Variants in PRICKLE1 observed in about 807,000 individuals in gnomAD.
PRICKLE1 encodes the protein prickle-like protein 1.
A neutral mutation model predicts 70.2 loss-of-function variants in PRICKLE1; 14 were observed. That is an observed-to-expected ratio of 0.20 (90% confidence interval 0.13 to 0.31). The LOEUF (loss-of-function observed/expected upper bound fraction) is 0.31. Among genes scored for constraint, PRICKLE1 ranks in the 10% least tolerant of loss-of-function variants. The pLI, the probability that PRICKLE1 is intolerant of heterozygous loss-of-function variation, is 1.00. For missense variants in PRICKLE1, 821 were observed against 1,026.2 expected, an observed-to-expected ratio of 0.80 and a Z score of 2.73; for synonymous variants, 357 against 379.9, an observed-to-expected ratio of 0.94 and a Z score of 0.70.
intron 1 of PRICKLE1, among the ~76,000 whole-genome samples, chr12:42,476,282 A>G (rs1397531918): frequency 6.6e-6 from 1 of 151,516 alleles, no homozygotes. Context: ...TCCCAGGTTC[A>G]AGAGATTCTC....
intron 1 of PRICKLE1, among the ~76,000 whole-genome samples, chr12:42,561,534 T>C (rs1426150435): frequency 6.6e-6 from 1 of 152,246 alleles, no homozygotes; most frequent in African/African-American, 2.4e-5. Flanking sequence ...GTTTATTCTG[T>C]CCAAGAATGT....
Position 42,466,386 on chromosome 12 carries a change from AAAAG to A in PRICKLE1, c.589-10_589-7del. 6.2e-7 allele frequency: 1 copy of A among 1,613,796 alleles called. No homozygotes were observed. The highest frequency in any genetic ancestry group is 8.5e-7 in the Non-Finnish European group (1 of 1,179,666). ...CACTCATCAGCAAAAATTATCTTCA[AAAAG>A]AAATGTGAAACCAGAGAATGAAAGA... On this transcript the variant is annotated splice_region_variant and splice_polypyrimidine_tract_variant and intron_variant, in intron 5 of 7. Coordinates refer to ENST00000345127, the MANE Select transcript of PRICKLE1 (RefSeq NM_153026.3).
chr12:42,493,215 A>T (rs1052437750), intron 1 of PRICKLE1, among the ~76,000 whole-genome samples: 9 of 152,166 alleles, frequency 5.9e-5, no homozygotes, highest in African/African-American at 1.7e-4. Flanking sequence ...AAAATAACTA[A>T]AAGAGTATAA....
In PRICKLE1 at chr12:42,458,639, G is replaced by A. The variant is rs192161217; in HGVS notation, c.*1170C>T. ...GGCCAACAAATTAGTGGGAGGGAAG[G>A]AATAAAAAGGAATAACCTCTCTTAA... On this transcript the variant is annotated 3_prime_UTR_variant, in exon 8 of 8. Transcript: ENST00000345127. 6.6e-6 allele frequency: 1 copy of A among 152,274 alleles called. No homozygotes were observed. Among genetic ancestry groups the A allele is most frequent in the Admixed American group, 6.5e-5 (1 of 15,294 alleles). 9.4% of individuals were successfully genotyped at this position (152,274 alleles called of 1,614,324 possible).
chr12:42,479,798 A>C (rs1938724356), intron 1 of PRICKLE1, among the ~76,000 whole-genome samples: 1 of 152,088 alleles, frequency 6.6e-6, no homozygotes, highest in South Asian at 2.1e-4. Flanking sequence ...TCTACTAAAA[A>C]TACAAAATTA....
intron 1 of PRICKLE1, among the ~76,000 whole-genome samples, chr12:42,586,848 G>C (rs1218879683): frequency 6.6e-6 from 1 of 152,124 alleles, no homozygotes; most frequent in Non-Finnish European, 1.5e-5. Flanking sequence ...CTTTTTAAAA[G>C]CCTTAATCAA....
chr12:42,520,620 C>A (rs1939693304), intron 1 of PRICKLE1, among the ~76,000 whole-genome samples: 1 of 152,210 alleles, frequency 6.6e-6, no homozygotes. Flanking sequence ...TGAGGCTTCA[C>A]TTTATGTGTT....
intron 1 of PRICKLE1, among the ~76,000 whole-genome samples, chr12:42,515,565 C>T (rs1939597476): frequency 6.6e-6 from 1 of 152,192 alleles, no homozygotes; most frequent in Non-Finnish European, 1.5e-5. Context: ...TCTACCCACA[C>T]TCTATCCCAT....
At chr12:42,481,029 G>A (rs1175732927) in intron 1 of PRICKLE1, among the ~76,000 whole-genome samples, 1 of 152,218 alleles carries the variant, frequency 6.6e-6, no homozygotes, top group African/African-American at 2.4e-5. Context: ...CTTGGGGAGG[G>A]AAAGTAAAAG....
chr12:42,494,652 C>T (rs371493680), intron 1 of PRICKLE1, among the ~76,000 whole-genome samples: 9 of 151,776 alleles, frequency 5.9e-5, no homozygotes, highest in African/African-American at 1.9e-4. Context: ...ACTAAAAATA[C>T]AAAAATTAGC....
chr12:42,533,216 T>TC (rs1566116618), intron 1 of PRICKLE1, among the ~76,000 whole-genome samples: 3 of 151,420 alleles, frequency 2.0e-5, no homozygotes, highest in Non-Finnish European at 4.4e-5. Context: ...TTTTCTTCTT[T>TC]TTTTTTTTTC....
chr12:42,499,661 T>C (rs1403957942), intron 1 of PRICKLE1, among the ~76,000 whole-genome samples: 1 of 151,954 alleles, frequency 6.6e-6, no homozygotes, highest in Non-Finnish European at 1.5e-5. Flanking sequence ...CCTCAGGTGA[T>C]CCATCCACCA....
intron 1 of PRICKLE1, among the ~76,000 whole-genome samples, chr12:42,536,683 C>T (rs117997033): frequency 3.3e-3 from 497 of 152,276 alleles, no homozygotes; most frequent in Non-Finnish European, 4.8e-3. Flanking sequence ...TTTCTGAGTT[C>T]CTGAACTCTG....
chr12:42,493,262 C>T (rs757464308), intron 1 of PRICKLE1, among the ~76,000 whole-genome samples: 11 of 152,166 alleles, frequency 7.2e-5, no homozygotes, highest in Non-Finnish European at 1.0e-4. Context: ...CTTGAGGTGA[C>T]GGACACTCCA....
intron 1 of PRICKLE1, among the ~76,000 whole-genome samples, chr12:42,550,755 T>C (rs1318548501): frequency 6.6e-6 from 1 of 152,242 alleles, no homozygotes; most frequent in Non-Finnish European, 1.5e-5. Context: ...GATTTAGCAG[T>C]AACTTAGCTT....
chr12:42,587,268 T>A (rs1339444260), intron 1 of PRICKLE1, among the ~76,000 whole-genome samples: 1 of 152,222 alleles, frequency 6.6e-6, no homozygotes, highest in African/African-American at 2.4e-5. Context: ...ACTAAGCCCA[T>A]TCAGTTGCAT....
At chr12:42,563,841 C>T (rs1940572050) in intron 1 of PRICKLE1, among the ~76,000 whole-genome samples, 1 of 151,122 alleles carries the variant, frequency 6.6e-6, no homozygotes, top group African/African-American at 2.4e-5. Flanking sequence ...CAAAACAGGA[C>T]ATTTTTCGAG....
rs573152305 is a variant in PRICKLE1 at position 42,563,041 on chromosome 12, G to A, written c.-49+26424C>T. On this transcript the variant is annotated intron_variant, in intron 1 of 7. Coordinates refer to ENST00000345127, the MANE Select transcript of PRICKLE1 (RefSeq NM_153026.3). ...CTACTAAAAATACAAAAATTAGCTG[G>A]GTGTGGTGGCGGGTGCCTGTAATCT... 2.6e-5 allele frequency among the ~76,000 whole-genome samples: 4 copies of A among 152,004 alleles called. No individual in the cohort carries two copies. The East Asian group carries it at 7.8e-4, about 30-fold the overall frequency.
intron 1 of PRICKLE1, among the ~76,000 whole-genome samples, chr12:42,576,464 C>T (rs1191706675): frequency 6.6e-6 from 1 of 152,214 alleles, no homozygotes; most frequent in East Asian, 1.9e-4. Flanking sequence ...CTCTAACAGT[C>T]TGCTGAGAAG....
Sources: gnomAD v4.1 joint callset for allele counts (sites outside exome capture counted in the v4.1 genomes callset) on GRCh38, gnomAD v4.1.1 for gene constraint, MANE v1.5 for transcripts, NCBI Gene and HGNC (gene_info 2026-07-23, HGNC 2026-07-21) for gene names.